Variants in NRXN1 observed in about 807,000 individuals in gnomAD.
NRXN1 encodes neurexin-1.
Under a neutral mutation model 150.9 loss-of-function variants are expected in NRXN1, and 39 were observed. That is an observed-to-expected ratio of 0.26 (90% CI 0.20 to 0.34). The LOEUF (loss-of-function observed/expected upper bound fraction) is 0.34, where lower values mean the gene tolerates loss of function less well. Among genes scored for constraint, NRXN1 ranks in the 10% least tolerant of loss-of-function variants. NRXN1 has a pLI of 1.00. For synonymous variants in NRXN1, 924 were observed against 757.0 expected, an observed-to-expected ratio of 1.22 and a Z score of -3.62; for missense variants, 1,815 against 1,949.9, an observed-to-expected ratio of 0.93 and a Z score of 1.30.
chr2:50,935,257 A>G (rs1688361128), intron 2 of NRXN1, among the ~76,000 whole-genome samples: 1 of 152,180 alleles, frequency 6.6e-6, no homozygotes, highest in African/African-American at 2.4e-5. Flanking sequence ...CCAAATGAGC[A>G]AATAAAATAG....
At chr2:50,914,296 T>C (rs1455923712) in intron 5 of NRXN1, among the ~76,000 whole-genome samples, 1 of 151,690 alleles carries the variant, frequency 6.6e-6, no homozygotes, top group African/African-American at 2.4e-5. Flanking sequence ...AATTTATATT[T>C]ATTTTAGTGA....
At chr2:50,306,397 G>C (rs2074612633) in intron 17 of NRXN1, among the ~76,000 whole-genome samples, 1 of 152,138 alleles carries the variant, frequency 6.6e-6, no homozygotes, top group African/African-American at 2.4e-5. Context: ...CCTGAAAGTA[G>C]TGCTCAGGTG....
intron 17 of NRXN1, among the ~76,000 whole-genome samples, chr2:50,290,293 G>A (rs1284627475): frequency 6.6e-6 from 1 of 152,146 alleles, no homozygotes; most frequent in East Asian, 1.9e-4. Flanking sequence ...AATTGAAGAA[G>A]CTCTTTTTCA....
chr2:51,023,338 G>A (rs1017697534), intron 2 of NRXN1, among the ~76,000 whole-genome samples: 1 of 152,174 alleles, frequency 6.6e-6, no homozygotes, highest in African/African-American at 2.4e-5. Flanking sequence ...ACATGGTCCA[G>A]AAGGTTGTGC....
chr2:50,355,166 C>A (rs2078701988), intron 17 of NRXN1, among the ~76,000 whole-genome samples: 1 of 151,426 alleles, frequency 6.6e-6, no homozygotes, highest in African/African-American at 2.4e-5. Flanking sequence ...GGAACTTAAT[C>A]ATGCGATTCA....
At chr2:50,320,291 T>TATAC (rs1457247441) in intron 17 of NRXN1, among the ~76,000 whole-genome samples, 1 of 88,624 alleles carries the variant, frequency 1.1e-5, no homozygotes, top group Non-Finnish European at 2.2e-5. Flanking sequence ...ATCATATATA[T>TATAC]ATATATATAT....
At chr2:50,265,126 A>G (rs1185165673) in intron 17 of NRXN1, among the ~76,000 whole-genome samples, 4 of 152,126 alleles carry the variant, frequency 2.6e-5, no homozygotes, top group Non-Finnish European at 4.4e-5. Flanking sequence ...GAAGAAGTAT[A>G]GAAACTTCTC....
At chr2:50,148,839 C>T (rs1464183888) in intron 18 of NRXN1, among the ~76,000 whole-genome samples, 1 of 151,686 alleles carries the variant, frequency 6.6e-6, no homozygotes, top group Non-Finnish European at 1.5e-5. Flanking sequence ...CACCTGAGTC[C>T]TAAGGAATGT....
At chr2:50,302,104 A>AG (rs1299467667) in intron 17 of NRXN1, among the ~76,000 whole-genome samples, 2 of 104,382 alleles carry the variant, frequency 1.9e-5, no homozygotes, top group Non-Finnish European at 4.4e-5. Flanking sequence ...GAAGATATGT[A>AG]GGAAAAAAAA....
At chr2:50,462,050 C>A (rs2088281549) in intron 17 of NRXN1, among the ~76,000 whole-genome samples, 1 of 151,870 alleles carries the variant, frequency 6.6e-6, no homozygotes, top group African/African-American at 2.4e-5. Flanking sequence ...TCCACGAATT[C>A]CACATTGACT....
At chr2:50,591,484 C>T (rs888422618) in intron 8 of NRXN1, among the ~76,000 whole-genome samples, 13 of 152,020 alleles carry the variant, frequency 8.6e-5, no homozygotes, top group African/African-American at 3.1e-4. Flanking sequence ...TAATGACCTA[C>T]AGAAAGGAAA....
At chr2:50,074,296 G>A (rs1696732165) in intron 19 of NRXN1, among the ~76,000 whole-genome samples, 1 of 151,986 alleles carries the variant, frequency 6.6e-6, no homozygotes, top group African/African-American at 2.4e-5. Flanking sequence ...AGCCATAGAA[G>A]GAAGAGTTCC....
intron 18 of NRXN1, among the ~76,000 whole-genome samples, chr2:50,236,388 A>T (rs545466199): frequency 6.6e-6 from 1 of 152,038 alleles, no homozygotes; most frequent in Non-Finnish European, 1.5e-5. Context: ...TGAGCAAAGA[A>T]ATAAAGACAG....
intron 5 of NRXN1, among the ~76,000 whole-genome samples, chr2:50,875,177 C>G (rs1226177488): frequency 6.6e-6 from 1 of 151,676 alleles, no homozygotes; most frequent in Non-Finnish European, 1.5e-5. Flanking sequence ...ATATTTACAA[C>G]TTAATTTTCT....
chr2:50,644,366 T>C (rs1369960912), intron 5 of NRXN1, among the ~76,000 whole-genome samples: 1 of 151,856 alleles, frequency 6.6e-6, no homozygotes, highest in Non-Finnish European at 1.5e-5. Context: ...ACATTCATAT[T>C]AATAGCCATC....
chr2:50,599,597 G>A (rs1675905372), intron 8 of NRXN1, among the ~76,000 whole-genome samples: 1 of 152,164 alleles, frequency 6.6e-6, no homozygotes, highest in Admixed American at 6.5e-5. Context: ...GTGAGAAACA[G>A]AAATAATTCA....
intron 5 of NRXN1, among the ~76,000 whole-genome samples, chr2:50,718,951 G>T (rs1696245948): frequency 6.6e-6 from 1 of 151,158 alleles, no homozygotes; most frequent in Non-Finnish European, 1.5e-5. Flanking sequence ...TTGCAAATAT[G>T]TTAGTTTGCA....
chr2:50,781,234 C>T (rs1704307380), intron 5 of NRXN1, among the ~76,000 whole-genome samples: 1 of 152,082 alleles, frequency 6.6e-6, no homozygotes, highest in Admixed American at 6.5e-5. Context: ...TTATAATGGG[C>T]AGTAAATCTG....
Position 50,081,129 on chromosome 2 carries a change from G to T in NRXN1, c.3718+10194C>A, listed in dbSNP as rs77384472. On this transcript the variant is annotated intron_variant, in intron 19 of 22. Coordinates refer to ENST00000401669, the MANE Select transcript of NRXN1 (RefSeq NM_001330078.2). ...GATTCAAAGGAAGTTAAGAAAAACT[G>T]ATCTAGATTAATGTCTAAAACTAAA... 2.0e-3 allele frequency among the ~76,000 whole-genome samples: 300 copies of T among 152,252 alleles called. 3 individuals carry two copies. In the East Asian group the frequency reaches 0.036, roughly 18 times the overall value.
Sources: allele counts gnomAD v4.1 joint callset (sites outside exome capture counted in the v4.1 genomes callset), GRCh38; gene constraint gnomAD v4.1.1; transcripts MANE v1.5; gene names NCBI Gene and HGNC (gene_info 2026-07-23, HGNC 2026-07-21).